The following SPDYA variants were observed in gnomAD, a reference collection of about 807,000 sequenced individuals.
SPDYA encodes speedy/RINGO cell cycle regulator family member A.
Under a neutral mutation model 36.7 loss-of-function variants are expected in SPDYA, and 11 were observed. The observed-to-expected ratio is 0.30, with a 90% CI of 0.19 to 0.50. SPDYA has a LOEUF of 0.50. SPDYA is among the 20% of genes least tolerant of loss of function. SPDYA has a pLI of 0.98. For missense variants in SPDYA, 287 were observed against 370.9 expected (o/e 0.77, Z 1.86); for synonymous variants, 115 against 118.7 (o/e 0.97, Z 0.20).
chr2:28,843,036 G>A (rs1053177242), intron 7 of SPDYA, among the ~76,000 whole-genome samples: 2 of 152,118 alleles, frequency 1.3e-5, no homozygotes, highest in Non-Finnish European at 2.9e-5. Flanking sequence ...ACTTCTATGC[G>A]AAACTTAGCA....
chr2:28,831,987 C>A (rs561182598), intron 6 of SPDYA, among the ~76,000 whole-genome samples: 3 of 152,254 alleles, frequency 2.0e-5, no homozygotes, highest in African/African-American at 7.2e-5. Flanking sequence ...TTTATTGGAT[C>A]ACTGCCATCA....
intron 7 of SPDYA, among the ~76,000 whole-genome samples, chr2:28,849,560 G>A (rs1668982585): frequency 6.6e-6 from 1 of 152,232 alleles, no homozygotes; most frequent in African/African-American, 2.4e-5. Context: ...CCAAAGGCGT[G>A]AGCCACTGTG....
At chr2:28,818,460 A>G (rs1032595033) in intron 3 of SPDYA, among the ~76,000 whole-genome samples, 41 of 123,472 alleles carry the variant, frequency 3.3e-4, no homozygotes, top group African/African-American at 1.2e-3. Context: ...AAAAAAAAAA[A>G]AGAGAAAGAG....
Position 28,845,347 on chromosome 2 carries a change from T to C in SPDYA, c.851-4503T>C, listed in dbSNP as rs1668847641. ...CTGACCTCAAGCAATCCTCCCACCT[T>C]GGCCTCCCAAAGTGGTGGGGTTACA... On this transcript the variant is annotated intron_variant, in intron 7 of 7. Coordinates refer to ENST00000334056, the MANE Select transcript of SPDYA (RefSeq NM_182756.4). 2.0e-5 allele frequency among the ~76,000 whole-genome samples: 3 copies of C among 151,306 alleles called. No individual in the cohort carries two copies. The South Asian group carries it at 6.3e-4, about 32-fold the overall frequency.
rs1035696550 is a variant in SPDYA, at chr2:28,843,136, A to T, written c.850+2667A>T. Reference sequence around the variant, plus strand: ...TAAAGACATGTTTTCCTACCTTAAAATTTTTTTTGTTAAAAACAACACATT... The same window carrying T: ...TAAAGACATGTTTTCCTACCTTAAATTTTTTTTTGTTAAAAACAACACATT... On this transcript the variant is annotated intron_variant, in intron 7 of 7. Transcript: ENST00000334056. Among the ~76,000 whole-genome samples, 8 of 152,122 alleles carry T rather than the reference A, an allele frequency of 5.3e-5. No homozygotes were observed. In the South Asian group the frequency reaches 6.2e-4, roughly 12 times the overall value.
At chr2:28,844,159 T>TA (rs1327801600) in intron 7 of SPDYA, among the ~76,000 whole-genome samples, 5 of 152,236 alleles carry the variant, frequency 3.3e-5, no homozygotes, top group African/African-American at 1.2e-4. Flanking sequence ...AATGAAGGTA[T>TA]AATTAGGGCA....
chr2:28,830,111 CCTG>C (rs1399715540), intron 6 of SPDYA, among the ~76,000 whole-genome samples: 1 of 151,782 alleles, frequency 6.6e-6, no homozygotes, highest in Non-Finnish European at 1.5e-5. Flanking sequence ...TGTACTCCAG[CCTG>C]GGCAACAGAG....
Position 28,843,762 on chromosome 2 carries a change from C to A in SPDYA, c.850+3293C>A, listed in dbSNP as rs755295516. 5.3e-4 allele frequency among the ~76,000 whole-genome samples: 81 copies of A among 152,010 alleles called. 1 individual carries two copies. Among genetic ancestry groups the A allele is most frequent in the Non-Finnish European group, 1.6e-4 (11 of 67,992 alleles). Reference sequence around the variant, plus strand: ...AAAAAACAAACTCAGAAAAGTCACACCATTACCAGGTAAAACAATAACAGA... The same window carrying A: ...AAAAAACAAACTCAGAAAAGTCACAACATTACCAGGTAAAACAATAACAGA... On this transcript the variant is annotated intron_variant, in intron 7 of 7. Transcript: ENST00000334056.
intron 2 of SPDYA, among the ~76,000 whole-genome samples, chr2:28,815,316 A>ACACACACAC (rs1376187318): frequency 6.6e-6 from 1 of 151,646 alleles, no homozygotes; most frequent in Non-Finnish European, 1.5e-5. Context: ...ACACACACAC[A>ACACACACAC]CACACACACA....
At chr2:28,844,996 G>A (rs1382118387) in intron 7 of SPDYA, among the ~76,000 whole-genome samples, 1 of 152,144 alleles carries the variant, frequency 6.6e-6, no homozygotes, top group East Asian at 1.9e-4. Context: ...ACATTGCCCA[G>A]GCTGGTCATG....
At chr2:28,819,488 A>G (rs1668078691) in intron 4 of SPDYA, among the ~76,000 whole-genome samples, 1 of 152,078 alleles carries the variant, frequency 6.6e-6, no homozygotes, top group Non-Finnish European at 1.5e-5. Flanking sequence ...AGCTTGGACA[A>G]TAGAGCAAGA....
At position 28,850,278 on chromosome 2, in the gene SPDYA, T is replaced by C. The variant is rs776313662; in HGVS notation, c.*337T>C. 3 of 1,603,350 alleles carry C rather than the reference T, an allele frequency of 1.9e-6. No homozygotes were observed. The highest frequency in any genetic ancestry group is 1.7e-5 in the Admixed American group (1 of 59,104). On this transcript the variant is annotated 3_prime_UTR_variant, in exon 8 of 8. Transcript: ENST00000334056. ...AGAAGAAAAACATAAAGTCATTATA[T>C]TAATTAAAAGAAAAAACACCATTTA...
rs1328944234 is a variant in SPDYA at position 28,847,752 on chromosome 2, AAAAAAG to A, written c.851-2081_851-2076del. Among the ~76,000 whole-genome samples the A allele has an allele frequency of 2.6e-5, 4 of 151,558 alleles. No homozygotes were observed. The East Asian group carries it at 7.7e-4, about 29-fold the overall frequency. ...CAGAGCAAGACTCTGTCTCAAAAAA[AAAAAAG>A]AAAAAGAAAAAGAAAAGAAAAGAAG... On this transcript the variant is annotated intron_variant, in intron 7 of 7. Transcript: ENST00000334056.
rs1184223983 is a variant in SPDYA, at chr2:28,849,849, G to A, written c.851-1G>A. The A allele has an allele frequency of 2.0e-6, 3 of 1,501,330 alleles. No individual in the cohort carries two copies. The highest frequency in any genetic ancestry group is 2.8e-5 in the African/African-American group (2 of 71,046). 93.0% of individuals were successfully genotyped at this position (1,501,330 alleles called of 1,614,324 possible). A position where few individuals can be genotyped will look rare whatever the true frequency, so the allele number is the denominator to read the frequency against. ...ATCTTAAAATGCATATTTTATTTCA[G>A]TAGTCAATGACCATCAATCAAATAA... On this transcript the variant is annotated splice_acceptor_variant, in intron 7 of 7. Transcript: ENST00000334056. LOFTEE classifies it high-confidence loss of function.
At chr2:28,843,971 A>G (rs968935224) in intron 7 of SPDYA, among the ~76,000 whole-genome samples, 2 of 151,414 alleles carry the variant, frequency 1.3e-5, no homozygotes. Context: ...AAGCCAAGGG[A>G]AAAAAAAATA....
At chr2:28,827,270 T>A (rs1407016895) in intron 5 of SPDYA, among the ~76,000 whole-genome samples, 1 of 152,062 alleles carries the variant, frequency 6.6e-6, no homozygotes, top group Non-Finnish European at 1.5e-5. Context: ...TGTGTTTCTT[T>A]GGGCTGCATT....
rs1669010965 is a variant in SPDYA, at chr2:28,850,200, C to G, written c.*259C>G. The G allele has an allele frequency of 6.2e-7, 1 of 1,610,992 alleles. No homozygotes were observed. The highest frequency in any genetic ancestry group is 8.5e-7 in the Non-Finnish European group (1 of 1,178,490). ...GTCAGTTACTGTCATCTGGAGTACT[C>G]AGTTAAGTTGTGGTTTGACCTTCCT... On this transcript the variant is annotated 3_prime_UTR_variant, in exon 8 of 8. Transcript: ENST00000334056.
intron 6 of SPDYA, among the ~76,000 whole-genome samples, chr2:28,833,443 C>T (rs1260123126): frequency 6.6e-5 from 10 of 152,188 alleles, no homozygotes; most frequent in African/African-American, 2.4e-4. Flanking sequence ...TATCAGTATG[C>T]TTCACTTCCT....
At chr2:28,843,550 C>CAAAA (rs371405702) in intron 7 of SPDYA, among the ~76,000 whole-genome samples, 1 of 110,770 alleles carries the variant, frequency 9.0e-6, no homozygotes. Flanking sequence ...AACTTCGTCT[C>CAAAA]AAAAAAAAAA....
Sources: gnomAD v4.1 joint callset for allele counts (sites outside exome capture counted in the v4.1 genomes callset) on GRCh38, gnomAD v4.1.1 for gene constraint, MANE v1.5 for transcripts, NCBI Gene and HGNC (gene_info 2026-07-23, HGNC 2026-07-21) for gene names.